The following LAMC1 variants were observed in gnomAD, a reference collection of about 807,000 sequenced individuals.
The protein encoded by LAMC1 is laminin subunit gamma-1.
Under a neutral mutation model 173.6 loss-of-function variants are expected in LAMC1, and 38 were observed. The observed-to-expected ratio is 0.22, with a 90% confidence interval of 0.17 to 0.29. The LOEUF is 0.29. Among genes scored for constraint, LAMC1 ranks in the 10% least tolerant of loss-of-function variants. LAMC1 has a pLI of 1.00. For synonymous variants in LAMC1, 746 were observed against 749.1 expected, an observed-to-expected ratio of 1.00 and a Z score of 0.07; for missense variants, 1,824 against 2,051.8, an observed-to-expected ratio of 0.89 and a Z score of 2.14.
chr1:183,028,455 G>A (rs74129638), intron 1 of LAMC1, among the ~76,000 whole-genome samples: 6,412 of 152,180 alleles, frequency 0.042, 419 homozygotes, highest in African/African-American at 0.14. Context: ...TAAATCAAGG[G>A]TGTCTATATA....
In LAMC1 at chr1:183,142,534, G is replaced by A; in HGVS notation, c.4574G>A (p.Gly1525Glu). ...SIINDLLEQL[G>E]QLDTVDLNKL... ...TTCTATGTACTTTCTGACCCTCCAG[G>A]GCAGCTGGATACAGTGGACCTGAAT... is the stretch of plus-strand genomic sequence containing the variant. The change falls in exon 28 of 28, where the codon GGG (glycine) becomes GAG (glutamate). Residue 1525 changes from glycine to glutamate, a missense_variant and splice_region_variant. By Grantham distance (98) the Gly-to-Glu change is moderately conservative (BLOSUM62 -2). Coordinates refer to ENST00000258341, the MANE Select transcript of LAMC1 (RefSeq NM_002293.4). The A allele has an allele frequency of 1.2e-6, 2 of 1,608,336 alleles. No homozygotes were observed. Among genetic ancestry groups the A allele is most frequent in the Non-Finnish European group, 1.7e-6 (2 of 1,177,608 alleles).
chr1:183,032,184 CCAGT>C (rs1447767423), intron 1 of LAMC1, among the ~76,000 whole-genome samples: 1 of 152,074 alleles, frequency 6.6e-6, no homozygotes, highest in Non-Finnish European at 1.5e-5. Flanking sequence ...ATACGTGGGC[CCAGT>C]CAGCCTGGTA....
chr1:183,112,982 C>A (rs1656207287), intron 4 of LAMC1, among the ~76,000 whole-genome samples: 1 of 151,904 alleles, frequency 6.6e-6, no homozygotes, highest in Non-Finnish European at 1.5e-5. Flanking sequence ...CCAACCTGGG[C>A]AATATAGTGA....
intron 1 of LAMC1, among the ~76,000 whole-genome samples, chr1:183,055,585 G>A (rs1256465697): frequency 2.6e-5 from 4 of 151,936 alleles, no homozygotes; most frequent in Admixed American, 6.6e-5. Context: ...AGGCCAAGGC[G>A]GGCAGATCAC....
intron 1 of LAMC1, among the ~76,000 whole-genome samples, chr1:183,039,858 CT>C (rs1232076757): frequency 6.6e-6 from 1 of 152,284 alleles, no homozygotes; most frequent in African/African-American, 2.4e-5. Flanking sequence ...TCTATCTGTG[CT>C]TTCCTCTGTT....
chr1:183,117,782 A>T (rs569050284), intron 10 of LAMC1, 59 bp downstream of exon 10: 1 of 1,470,860 alleles, frequency 6.8e-7, no homozygotes, highest in African/African-American at 1.4e-5. Flanking sequence ...TGGTGTCTTT[A>T]TTTAAGTTTA....
Position 183,116,861 on chromosome 1 carries a change from G to C in LAMC1, c.1522G>C (p.Val508Leu), listed in dbSNP as rs770708853. The change falls in exon 8 of 28, where the codon GTT becomes CTT. Residue 508 changes from valine (V) to leucine (L), a missense_variant. Physicochemically the swap from Val to Leu is conservative, Grantham distance 32. Transcript: ENST00000258341. Reference sequence around the variant, plus strand: ...GCATTCTTCTGTCTGTACAAACGCTGTTGGCTACAGTGTTTATTCTATCTC... The same window carrying C: ...GCATTCTTCTGTCTGTACAAACGCTCTTGGCTACAGTGTTTATTCTATCTC... Reference protein sequence around the residue: ...FGHSSVCTNAVGYSVYSISST... With the variant: ...FGHSSVCTNALGYSVYSISST... 1 of 1,614,094 alleles carries C rather than the reference G, an allele frequency of 6.2e-7. No homozygotes were observed. Among genetic ancestry groups the C allele is most frequent in the Non-Finnish European group, 8.5e-7 (1 of 1,179,984 alleles).
At position 183,108,320 on chromosome 1, in the gene LAMC1, G is replaced by C. The variant is rs73053839; in HGVS notation, c.768G>C (p.Leu256=). The C allele has an allele frequency of 1.2e-3, 1,951 of 1,613,330 alleles. 10 individuals carry two copies. The African/African-American group carries it at 0.019, about 16-fold the overall frequency. ...ATDIRVTLNR[L]NTFGDEVFND... is the part of the protein sequence containing the mutation. ...ACATCAGAGTAACTCTTAATCGCCT[G>C]AACACTTTTGGAGATGAAGTGTTTA... Residue 256 remains leucine, a synonymous_variant, in exon 3 of 28, where the codon CTG becomes CTC. Transcript: ENST00000258341.
At chr1:183,118,230 CTAA>C in intron 11 of LAMC1, 84 bp downstream of exon 11, 1 of 770,568 alleles carries the variant, frequency 1.3e-6, no homozygotes, top group Non-Finnish European at 2.2e-6. Context: ...TTTCTCTTTC[CTAA>C]TAATATAACA....
At chr1:183,055,112 C>G (rs1328813942) in intron 1 of LAMC1, among the ~76,000 whole-genome samples, 2 of 151,866 alleles carry the variant, frequency 1.3e-5, no homozygotes, top group South Asian at 2.1e-4. Context: ...CCTCAGCCTC[C>G]CGAGTAGCTG....
intron 1 of LAMC1, among the ~76,000 whole-genome samples, chr1:183,036,668 G>A (rs1157434645): frequency 1.3e-5 from 2 of 152,206 alleles, no homozygotes; most frequent in African/African-American, 4.8e-5. Context: ...TGAGATTACA[G>A]ACGTGAGCCA....
At chr1:183,053,205 G>T (rs75189302) in intron 1 of LAMC1, among the ~76,000 whole-genome samples, 1 of 152,118 alleles carries the variant, frequency 6.6e-6, no homozygotes, top group Non-Finnish European at 1.5e-5. Context: ...CTTGGTTTCC[G>T]TGTCCATATT....
chr1:183,124,273 C>A (rs888682614), intron 13 of LAMC1, among the ~76,000 whole-genome samples: 1 of 152,212 alleles, frequency 6.6e-6, no homozygotes, highest in African/African-American at 2.4e-5. Context: ...CTTTTAATAT[C>A]ATCTGCCAAA....
rs182421653 is a variant in LAMC1, at chr1:183,116,921, C to T, written c.1564+18C>T. On this transcript the variant is annotated intron_variant, in intron 8 of 27. Transcript: ENST00000258341. ...TCAGATTGGTAATTTAGACCTCATC[C>T]CCCAACCTGTTAGAACTGTGAGATT... 8,883 of 1,606,590 alleles carry T rather than the reference C, an allele frequency of 5.5e-3. 27 individuals are homozygous for T. The highest frequency in any genetic ancestry group is 6.7e-3 in the Non-Finnish European group (7,912 of 1,174,626).
At chr1:183,095,612 C>T (rs1169596639) in intron 1 of LAMC1, among the ~76,000 whole-genome samples, 2 of 152,148 alleles carry the variant, frequency 1.3e-5, no homozygotes, top group African/African-American at 4.8e-5. Context: ...GATCTTTGTT[C>T]AGCAGAGCGA....
intron 4 of LAMC1, 28 bp from the exon 5 acceptor site, chr1:183,114,503 G>GAT (rs780350208): frequency 2.5e-6 from 4 of 1,611,942 alleles, no homozygotes; most frequent in Non-Finnish European, 3.4e-6. Context: ...ACCCAGATCT[G>GAT]ATGTAACTCG....
intron 1 of LAMC1, among the ~76,000 whole-genome samples, chr1:183,048,645 C>G (rs1322655740): frequency 6.6e-6 from 1 of 152,088 alleles, no homozygotes; most frequent in Non-Finnish European, 1.5e-5. Flanking sequence ...TGTACACCAC[C>G]CACCCCACTT....
At position 183,121,890 on chromosome 1, in the gene LAMC1, C is replaced by A; in HGVS notation, c.2158C>A (p.Pro720Thr). 6.2e-7 allele frequency: 1 copy of A among 1,614,158 alleles called. No homozygotes were observed. The highest frequency in any genetic ancestry group is 2.2e-5 in the East Asian group (1 of 44,878). The change falls in exon 12 of 28, where the codon CCA (proline) becomes ACA (threonine). Residue 720 changes from proline to threonine, a missense_variant. Transcript: ENST00000258341. ...AACTCCTAATCTTGGACCATACAGT[C>A]CATGTGTGCTTTGCGCCTGCAATGG... ...RETPNLGPYS[P>T]CVLCACNGHS...
At chr1:183,038,149 C>T (rs543441259) in intron 1 of LAMC1, among the ~76,000 whole-genome samples, 7 of 151,714 alleles carry the variant, frequency 4.6e-5, no homozygotes, top group Admixed American at 1.3e-4. Context: ...AATTGTCCTG[C>T]CTTAGCCTCC....
Sources: gnomAD v4.1 joint callset for allele counts (sites outside exome capture counted in the v4.1 genomes callset) on GRCh38, gnomAD v4.1.1 for gene constraint, MANE v1.5 for transcripts, NCBI Gene and HGNC (gene_info 2026-07-23, HGNC 2026-07-21) for gene names.